GLT1D1: variants seen among roughly 807,000 people sequenced by gnomAD.
GLT1D1 encodes the protein glycosyltransferase 1 domain-containing protein 1.
GLT1D1 carries 21 observed loss-of-function variants against 28.7 expected under a neutral mutation model. The observed-to-expected ratio is 0.73, with a 90% CI of 0.52 to 1.05. The LOEUF is 1.05. Ranked by LOEUF, GLT1D1 falls within the 50% of genes least tolerant of loss-of-function variation. The probability of loss-of-function intolerance (pLI) is 0.00; values close to 1 mark genes in which losing one functional copy is unlikely to be tolerated. For synonymous variants in GLT1D1, 147 were observed against 124.8 expected (o/e 1.18, Z -1.19); for missense variants, 343 against 330.6 (o/e 1.04, Z -0.29).
chr12:128,961,893 T>G (rs1877989126), intron 7 of GLT1D1, among the ~76,000 whole-genome samples: 1 of 150,802 alleles, frequency 6.6e-6, no homozygotes, highest in Admixed American at 6.6e-5. Flanking sequence ...GGAACAGAAA[T>G]GTGACCTTTT....
At chr12:128,891,105 CA>C (rs63056260) in intron 3 of GLT1D1, among the ~76,000 whole-genome samples, 141 of 115,780 alleles carry the variant, frequency 1.2e-3, no homozygotes, top group East Asian at 2.2e-3. Context: ...GACACTGTCT[CA>C]AAAAAAAAAA....
Position 128,873,966 on chromosome 12 carries a change from T to TTTTTC in GLT1D1, c.69-1936_69-1932dup, listed in dbSNP as rs540796725. 6.0e-3 allele frequency among the ~76,000 whole-genome samples: 809 copies of TTTTTC among 134,674 alleles called. 12 individuals are homozygous for TTTTTC. The highest frequency in any genetic ancestry group is 9.8e-3 in the Non-Finnish European group (604 of 61,910). The allele number at this position is 134,674 out of a possible 152,430, so 88.4% of individuals were successfully genotyped here. A position where few individuals can be genotyped will look rare whatever the true frequency, so the allele number is the denominator to read the frequency against. ...TTCTTTCTTTCCTTCTGTTTCTGTC[T>TTTTTC]TTTTCTTTTCTTTTCTCCTTCCTTC... On this transcript the variant is annotated intron_variant, in intron 1 of 7. Coordinates refer to ENST00000281703, the MANE Select transcript of GLT1D1 (RefSeq NM_144669.3).
intron 4 of GLT1D1, among the ~76,000 whole-genome samples, chr12:128,933,249 G>A (rs1451200632): frequency 2.6e-5 from 4 of 152,284 alleles, no homozygotes; most frequent in Admixed American, 2.6e-4. Flanking sequence ...ACTGAACACA[G>A]GGTGCGGAAG....
chr12:128,873,876 T>TC, intron 1 of GLT1D1, among the ~76,000 whole-genome samples: 3 of 123,658 alleles, frequency 2.4e-5, no homozygotes, highest in African/African-American at 8.7e-5. Context: ...CCCTCCTTCC[T>TC]TCCTTCCTCT....
At chr12:128,927,925 G>A (rs1251597920) in intron 4 of GLT1D1, among the ~76,000 whole-genome samples, 14 of 140,518 alleles carry the variant, frequency 1.0e-4, no homozygotes, top group East Asian at 2.2e-4. Context: ...GCTTGAACCC[G>A]AGAGGTGGAA....
At chr12:128,902,249 C>G (rs937342124) in intron 4 of GLT1D1, among the ~76,000 whole-genome samples, 1 of 150,418 alleles carries the variant, frequency 6.6e-6, no homozygotes, top group East Asian at 2.0e-4. Context: ...TTTGGGAGGC[C>G]GAGGTGGGCG....
chr12:128,938,635 T>C (rs1874805871), intron 4 of GLT1D1, among the ~76,000 whole-genome samples: 1 of 152,216 alleles, frequency 6.6e-6, no homozygotes, highest in African/African-American at 2.4e-5. Context: ...CATCATATTC[T>C]TCAAACCAAC....
intron 2 of GLT1D1, among the ~76,000 whole-genome samples, chr12:128,879,404 T>TTCTTTCTTTCTTTCTTTCTTTC (rs1956962292): frequency 1.1e-5 from 1 of 93,276 alleles, no homozygotes; most frequent in African/African-American, 4.6e-5. Context: ...CTTTCTTTCT[T>TTCTTTCTTTCTTTCTTTCTTTC]TCTTTCTTTC....
At chr12:128,890,987 T>A (rs1868984548) in intron 3 of GLT1D1, among the ~76,000 whole-genome samples, 1 of 151,578 alleles carries the variant, frequency 6.6e-6, no homozygotes, top group Non-Finnish European at 1.5e-5. Flanking sequence ...AGACAGAGCA[T>A]GACTCCATCT....
chr12:128,889,253 A>G (rs974721414), intron 3 of GLT1D1, among the ~76,000 whole-genome samples: 1 of 152,184 alleles, frequency 6.6e-6, no homozygotes, highest in African/African-American at 2.4e-5. Context: ...TATCTTTGGC[A>G]TGGGTCTTAT....
At chr12:128,950,409 A>G (rs1453739486) in intron 6 of GLT1D1, among the ~76,000 whole-genome samples, 3 of 152,198 alleles carry the variant, frequency 2.0e-5, no homozygotes, top group Non-Finnish European at 4.4e-5. Context: ...TAAGATCCGA[A>G]TGTGCTGTGG....
chr12:128,953,593 G>A (rs1876947259), intron 6 of GLT1D1, among the ~76,000 whole-genome samples: 1 of 152,176 alleles, frequency 6.6e-6, no homozygotes, highest in African/African-American at 2.4e-5. Flanking sequence ...CTTAACTTGT[G>A]TATTTCTCTC....
At chr12:128,894,883 T>C (rs1226025224) in intron 3 of GLT1D1, among the ~76,000 whole-genome samples, 1 of 149,228 alleles carries the variant, frequency 6.7e-6, no homozygotes, top group East Asian at 1.9e-4. Context: ...TTAAAAATTA[T>C]ATATATATAT....
chr12:128,910,582 C>T (rs1413280581), intron 4 of GLT1D1, among the ~76,000 whole-genome samples: 1 of 151,912 alleles, frequency 6.6e-6, no homozygotes, highest in Non-Finnish European at 1.5e-5. Context: ...CACTACACTC[C>T]AGTAACAGCT....
At chr12:128,917,074 G>A (rs920823754) in intron 4 of GLT1D1, among the ~76,000 whole-genome samples, 3 of 152,094 alleles carry the variant, frequency 2.0e-5, no homozygotes, top group African/African-American at 7.2e-5. Flanking sequence ...ATATCCAGAT[G>A]GTTCCGGCGT....
intron 6 of GLT1D1, among the ~76,000 whole-genome samples, chr12:128,955,899 G>A (rs1158833684): frequency 6.6e-6 from 1 of 151,834 alleles, no homozygotes; most frequent in Non-Finnish European, 1.5e-5. Flanking sequence ...TGGGGACACA[G>A]ATGCTCCTCG....
At chr12:128,929,554 G>A (rs1472505895) in intron 4 of GLT1D1, among the ~76,000 whole-genome samples, 1 of 152,234 alleles carries the variant, frequency 6.6e-6, no homozygotes, top group Admixed American at 6.5e-5. Context: ...ATAGTTTTTT[G>A]TAGTTCCCTA....
chr12:128,969,268 GCTCTCTCTCTCACT>G (rs921612758), intron 7 of GLT1D1, among the ~76,000 whole-genome samples: 5 of 150,106 alleles, frequency 3.3e-5, no homozygotes, highest in Non-Finnish European at 7.4e-5. Context: ...TCAGTCTCTA[GCTCTCTCTCTCACT>G]CTCTCTCTCT....
chr12:128,875,955 A>G lies in GLT1D1; in HGVS notation c.110A>G (p.Asp37Gly). The change falls in exon 2 of 8, where the codon GAT becomes GGT. Residue 37 changes from aspartate (D) to glycine (G), a missense_variant. Asp to Gly is a moderately conservative substitution (Grantham distance 94). Transcript: ENST00000281703. The stretch of plus-strand genomic sequence containing the variant: ...GCAGGGCACGTGTGCGTTTTGAAGG[A>G]TGCCTTTGACTTTGAAAGCCGATCT... 1.2e-6 allele frequency: 2 copies of G among 1,614,090 alleles called. No homozygotes were observed.
Sources: allele counts gnomAD v4.1 joint callset (sites outside exome capture counted in the v4.1 genomes callset), GRCh38; gene constraint gnomAD v4.1.1; transcripts MANE v1.5; gene names NCBI Gene and HGNC (gene_info 2026-07-23, HGNC 2026-07-21).